Variants in SLC25A24 observed in about 807,000 individuals in gnomAD.
SLC25A24 encodes mitochondrial adenyl nucleotide antiporter SLC25A24.
Under a neutral mutation model 60.7 loss-of-function variants are expected in SLC25A24, and 49 were observed. The ratio of observed to expected loss-of-function variants is 0.81; its 90% CI spans 0.64 to 1.02. The LOEUF is 1.02. SLC25A24 is among the 50% of genes least tolerant of loss of function. The pLI, the probability that SLC25A24 is intolerant of heterozygous loss-of-function variation, is 0.00. For synonymous variants in SLC25A24, 202 were observed against 200.6 expected (o/e 1.01, Z -0.06); for missense variants, 564 against 586.3 (o/e 0.96, Z 0.39).
At chr1:108,172,330 T>C (rs1647492257) in intron 3 of SLC25A24, among the ~76,000 whole-genome samples, 1 of 152,206 alleles carries the variant, frequency 6.6e-6, no homozygotes, top group Non-Finnish European at 1.5e-5. Context: ...TGTTTTGTGT[T>C]GTTTTAAACG....
intron 8 of SLC25A24, among the ~76,000 whole-genome samples, 196 bp downstream of exon 8, chr1:108,143,347 A>G (rs943359381): frequency 3.9e-5 from 6 of 152,236 alleles, no homozygotes; most frequent in African/African-American, 1.4e-4. Flanking sequence ...AACAAAAGCA[A>G]TTCCCAAGAA....
chr1:108,146,628 G>A (rs1225875580), intron 7 of SLC25A24, among the ~76,000 whole-genome samples: 5 of 152,134 alleles, frequency 3.3e-5, no homozygotes, highest in Admixed American at 3.3e-4. Context: ...AACATGAAGT[G>A]GTGTTGAATT....
At chr1:108,193,937 C>G (rs966929013) in intron 1 of SLC25A24, among the ~76,000 whole-genome samples, 8 of 139,314 alleles carry the variant, frequency 5.7e-5, no homozygotes, top group African/African-American at 2.0e-4. Flanking sequence ...TTCCCCAGAC[C>G]AACACCTGTG....
At chr1:108,160,510 C>T (rs906904573) in intron 4 of SLC25A24, among the ~76,000 whole-genome samples, 50 of 152,068 alleles carry the variant, frequency 3.3e-4, no homozygotes, top group African/African-American at 1.1e-3. Context: ...AGACGATGGG[C>T]GGCCAGGCAG....
Position 108,136,765 on chromosome 1 carries a change from G to T in SLC25A24, c.1322C>A (p.Pro441Gln). The change falls in exon 10 of 10, where the codon CCA becomes CAA. Residue 441 changes from proline (P) to glutamine (Q), a missense_variant. Transcript: ENST00000565488. ...FRRIISKEGIPGLYRGITPNF... is the reference protein window; with the variant it reads ...FRRIISKEGIQGLYRGITPNF... ...TGGGGTGATGCCTCTGTAAAGTCCTGGTATTCCTTCTTTGGAAATAATTCG... is the reference window on the plus strand; with the variant it reads ...TGGGGTGATGCCTCTGTAAAGTCCTTGTATTCCTTCTTTGGAAATAATTCG... The T allele has an allele frequency of 1.2e-6, 2 of 1,613,972 alleles. No individual in the cohort carries two copies. Among genetic ancestry groups the T allele is most frequent in the Non-Finnish European group, 1.7e-6 (2 of 1,179,922 alleles).
At chr1:108,136,921 T>C in intron 9 of SLC25A24, 84 bp from the exon 10 acceptor site, 1 of 1,267,488 alleles carries the variant, frequency 7.9e-7, no homozygotes, top group South Asian at 1.3e-5. Flanking sequence ...CAGAATGATA[T>C]TCTAAAATAC....
chr1:108,183,722 G>A (rs772341051), intron 2 of SLC25A24, among the ~76,000 whole-genome samples: 12 of 152,042 alleles, frequency 7.9e-5, no homozygotes, highest in Non-Finnish European at 1.3e-4. Context: ...ATTTTAAAAA[G>A]GAAATTACCA....
At chr1:108,176,810 C>G (rs1473657562) in intron 3 of SLC25A24, among the ~76,000 whole-genome samples, 1 of 152,022 alleles carries the variant, frequency 6.6e-6, no homozygotes, top group Non-Finnish European at 1.5e-5. Context: ...AGATACTTTC[C>G]CAGACAAACA....
In SLC25A24 at chr1:108,134,663, G is replaced by C. The variant is rs1679231118; in HGVS notation, c.*1990C>G. The C allele has an allele frequency of 6.6e-6, 1 of 152,090 alleles. No homozygotes were observed. The highest frequency in any genetic ancestry group is 1.5e-5 in the Non-Finnish European group (1 of 68,024). The allele number at this position is 152,090 out of a possible 1,614,324, so 9.4% of individuals were successfully genotyped here. ...CCAAAATGTTTGGAAAGACTACATG[G>C]AGCCAGCTGTAAAAAGCATGATTCA... On this transcript the variant is annotated 3_prime_UTR_variant, in exon 10 of 10. Coordinates refer to ENST00000565488, the MANE Select transcript of SLC25A24 (RefSeq NM_013386.5).
Position 108,136,448 on chromosome 1 carries a change from C to G in SLC25A24, c.*205G>C. Reference sequence around the variant, plus strand: ...ATAAAGTATAATTGTGTGGCCTTTTCAAAACACATTAAAACTATGATTTTG... The same window carrying G: ...ATAAAGTATAATTGTGTGGCCTTTTGAAAACACATTAAAACTATGATTTTG... On this transcript the variant is annotated 3_prime_UTR_variant, in exon 10 of 10. Coordinates refer to ENST00000565488, the MANE Select transcript of SLC25A24 (RefSeq NM_013386.5). The G allele has an allele frequency of 2.0e-6, 1 of 510,108 alleles. No homozygotes were observed. Among genetic ancestry groups the G allele is most frequent in the Non-Finnish European group, 3.4e-6 (1 of 290,242 alleles). The allele number at this position is 510,108 out of a possible 1,614,324, so 31.6% of individuals were successfully genotyped here. A position where few individuals can be genotyped will look rare whatever the true frequency, so the allele number is the denominator to read the frequency against.
chr1:108,150,291 A>G (rs1679722705), intron 6 of SLC25A24, among the ~76,000 whole-genome samples: 1 of 152,198 alleles, frequency 6.6e-6, no homozygotes, highest in Admixed American at 6.5e-5. Flanking sequence ...ACTTCAGGAC[A>G]GAGCCAAAAA....
In SLC25A24 at chr1:108,136,778, T is replaced by C. The variant is rs1188197465; in HGVS notation, c.1309A>G (p.Lys437Glu). Residue 437 changes from lysine to glutamate, a missense_variant, in exon 10 of 10, where the codon AAA (lysine) becomes GAA (glutamate). Lys to Glu is a moderately conservative substitution (Grantham distance 56). Transcript: ENST00000565488. ...CTGTAAAGTCCTGGTATTCCTTCTT[T>C]GGAAATAATTCGTCGAAAGAGGCCA... ...MVGLFRRIIS[K>E]EGIPGLYRGI... The C allele has an allele frequency of 1.2e-6, 2 of 1,614,010 alleles. No homozygotes were observed. Among genetic ancestry groups the C allele is most frequent in the East Asian group, 2.2e-5 (1 of 44,882 alleles).
intron 8 of SLC25A24, among the ~76,000 whole-genome samples, chr1:108,142,772 T>A (rs889196047): frequency 6.6e-6 from 1 of 152,196 alleles, no homozygotes; most frequent in Admixed American, 6.5e-5. Flanking sequence ...AAATTTTATA[T>A]TTTATAATAA....
intron 7 of SLC25A24, among the ~76,000 whole-genome samples, chr1:108,144,187 A>T (rs975418856): frequency 5.3e-5 from 8 of 152,150 alleles, no homozygotes; most frequent in African/African-American, 1.7e-4. Context: ...TAAGATGCTT[A>T]AAAAAAGCTG....
At chr1:108,145,641 T>C (rs1571279731) in intron 7 of SLC25A24, among the ~76,000 whole-genome samples, 1 of 152,174 alleles carries the variant, frequency 6.6e-6, no homozygotes, top group South Asian at 2.1e-4. Context: ...GGCTAGCCAG[T>C]TTTCCCAACA....
chr1:108,193,457 T>A (rs1490929019), intron 1 of SLC25A24, among the ~76,000 whole-genome samples: 2 of 139,568 alleles, frequency 1.4e-5, no homozygotes, highest in African/African-American at 5.0e-5. Flanking sequence ...TCTACAATAA[T>A]TCGTTTAAGT....
intron 6 of SLC25A24, among the ~76,000 whole-genome samples, chr1:108,151,419 AG>A (rs1345067940): frequency 3.3e-5 from 5 of 152,112 alleles, no homozygotes; most frequent in African/African-American, 1.2e-4. Context: ...ACTTCACAGA[AG>A]CATTTATACT....
intron 6 of SLC25A24, among the ~76,000 whole-genome samples, chr1:108,150,173 C>G (rs1679718701): frequency 6.6e-6 from 1 of 152,134 alleles, no homozygotes; most frequent in Admixed American, 6.5e-5. Flanking sequence ...CCCCACAGCA[C>G]CTATCAAAAG....
At chr1:108,177,703 A>G (rs1471861046) in intron 3 of SLC25A24, among the ~76,000 whole-genome samples, 1 of 152,218 alleles carries the variant, frequency 6.6e-6, no homozygotes, top group African/African-American at 2.4e-5. Flanking sequence ...CAATTCAATA[A>G]GAGGATATAA....
Sources: gnomAD v4.1 joint callset for allele counts (sites outside exome capture counted in the v4.1 genomes callset) on GRCh38, gnomAD v4.1.1 for gene constraint, MANE v1.5 for transcripts, NCBI Gene and HGNC (gene_info 2026-07-23, HGNC 2026-07-21) for gene names.